The following EFHC1 variants were observed in gnomAD, a reference collection of about 807,000 sequenced individuals.
The protein encoded by EFHC1 is EF-hand domain-containing protein 1.
In EFHC1, 53 loss-of-function variants were observed where a neutral mutation model predicts 69.9. The ratio of observed to expected loss-of-function variants is 0.76; its 90% CI spans 0.61 to 0.95. The LOEUF (loss-of-function observed/expected upper bound fraction) is 0.95, where lower values mean the gene tolerates loss of function less well. Ranked by LOEUF, EFHC1 falls within the 40% of genes least tolerant of loss-of-function variation. The pLI, the probability that EFHC1 is intolerant of heterozygous loss-of-function variation, is 0.00. For missense variants in EFHC1, 739 were observed against 798.7 expected (o/e 0.93, Z 0.90); for synonymous variants, 256 against 278.4 (o/e 0.92, Z 0.80).
At chr6:52,427,596 G>A (rs1764329667) in intron 2 of EFHC1, among the ~76,000 whole-genome samples, 1 of 148,440 alleles carries the variant, frequency 6.7e-6, no homozygotes, top group Non-Finnish European at 1.5e-5. Context: ...TATAATTTGT[G>A]TTGCTGATTT....
At chr6:52,453,664 A>G (rs1043816895) in intron 4 of EFHC1, 6 of 1,257,972 alleles carry the variant, frequency 4.8e-6, no homozygotes, top group Non-Finnish European at 6.1e-6. Flanking sequence ...TATTGCTAGA[A>G]GATATGTGTT....
chr6:52,428,726 G>C (rs569989407), intron 2 of EFHC1, among the ~76,000 whole-genome samples: 1 of 152,248 alleles, frequency 6.6e-6, no homozygotes, highest in South Asian at 2.1e-4. Flanking sequence ...TGGATCAAAT[G>C]GTGGTTCTAC....
At chr6:52,442,638 T>C (rs558767447) in intron 3 of EFHC1, among the ~76,000 whole-genome samples, 1 of 152,370 alleles carries the variant, frequency 6.6e-6, no homozygotes, top group Non-Finnish European at 1.5e-5. Context: ...TCATTTTTTA[T>C]GGCTGCATAG....
rs941669687 is a variant in EFHC1, at chr6:52,495,576, CTGTTT to C, written c.*3247_*3251del. 2.9e-5 allele frequency: 13 copies of C among 454,012 alleles called. No individual in the cohort carries two copies. Among genetic ancestry groups the C allele is most frequent in the East Asian group, 7.0e-5 (1 of 14,388 alleles). 28.1% of individuals were successfully genotyped at this position (454,012 alleles called of 1,614,324 possible). A position where few individuals can be genotyped will look rare whatever the true frequency, so the allele number is the denominator to read the frequency against. ...TTAGCATCCTCTAGCCTGCTTTTGGCTGTTTTGTTTTGTTTTTGTGTTTGTTTTTT... is the reference window on the plus strand; with the variant it reads ...TTAGCATCCTCTAGCCTGCTTTTGGCTGTTTTGTTTTTGTGTTTGTTTTTT... On this transcript the variant is annotated 3_prime_UTR_variant, in exon 11 of 11. Transcript: ENST00000371068.
Position 52,495,916 on chromosome 6 carries a change from TG to T in EFHC1, c.*3577del. The T allele has an allele frequency of 3.4e-6, 1 of 292,356 alleles. No individual in the cohort carries two copies. The highest frequency in any genetic ancestry group is 6.7e-6 in the Non-Finnish European group (1 of 150,196). 18.1% of individuals were successfully genotyped at this position (292,356 alleles called of 1,614,324 possible). A position where few individuals can be genotyped will look rare whatever the true frequency, so the allele number is the denominator to read the frequency against. ...GACCAAAGCCAGCAGGCCATTTCTG[TG>T]GTGTCCAAACACTCGCTGCTCACCT... On this transcript the variant is annotated 3_prime_UTR_variant, in exon 11 of 11. Transcript: ENST00000371068.
intron 2 of EFHC1, 143 bp from the exon 3 acceptor site, chr6:52,438,161 T>G (rs2113979039): frequency 1.2e-6 from 1 of 833,228 alleles, no homozygotes. Context: ...TCTGTAGTTT[T>G]AGAGTATCAA....
intron 1 of EFHC1, chr6:52,420,857 C>T (rs1764174791): frequency 7.6e-6 from 3 of 397,282 alleles, no homozygotes; most frequent in Non-Finnish European, 1.3e-5. Flanking sequence ...GGGCCCTCTC[C>T]CTAGCTCGTT....
intron 4 of EFHC1, chr6:52,453,724 A>G (rs1379849411): frequency 8.0e-7 from 1 of 1,245,180 alleles, no homozygotes; most frequent in Non-Finnish European, 1.0e-6. Context: ...TTTCTACACT[A>G]ATTATATATA....
chr6:52,456,795 G>A (rs898046462), intron 5 of EFHC1, among the ~76,000 whole-genome samples: 1 of 152,084 alleles, frequency 6.6e-6, no homozygotes, highest in Non-Finnish European at 1.5e-5. Context: ...GGTGCCTGTA[G>A]TCCCAGCTAC....
intron 10 of EFHC1, among the ~76,000 whole-genome samples, chr6:52,491,701 A>G (rs1469906119): frequency 6.6e-6 from 1 of 152,212 alleles, no homozygotes; most frequent in Admixed American, 6.5e-5. Flanking sequence ...ACTTAAAACA[A>G]AAGTAACTAT....
At chr6:52,489,456 A>G (rs1765851256) in intron 9 of EFHC1, 1 of 152,230 alleles carries the variant, frequency 6.6e-6, no homozygotes, top group Admixed American at 6.5e-5. Context: ...TAAAATTTTT[A>G]ATTTTATAAC....
chr6:52,423,818 A>G (rs1581809327), intron 1 of EFHC1, 128 bp from the exon 2 acceptor site: 2 of 1,537,126 alleles, frequency 1.3e-6, no homozygotes, highest in African/African-American at 2.7e-5. Flanking sequence ...AATGTTGGTA[A>G]GCTTCTTGAT....
In EFHC1 at chr6:52,438,512, G is replaced by T. The variant is rs755368747; in HGVS notation, c.494G>T (p.Trp165Leu). 3.7e-6 allele frequency: 6 copies of T among 1,614,042 alleles called. No homozygotes were observed. Among genetic ancestry groups the T allele is most frequent in the Non-Finnish European group, 5.1e-6 (6 of 1,179,966 alleles). The change falls in exon 3 of 11, where the codon TGG (tryptophan) becomes TTG (leucine). Residue 165 changes from tryptophan to leucine, a missense_variant. Transcript: ENST00000371068. The part of the protein sequence containing the change: ...AKNDRGDHYH[W>L]KDLNRGINIT... ...AATGACCGGGGTGACCATTACCATTGGAAAGACCTAAATCGAGGAATAAAC... is the reference window on the plus strand; with the variant it reads ...AATGACCGGGGTGACCATTACCATTTGAAAGACCTAAATCGAGGAATAAAC...
intron 1 of EFHC1, chr6:52,420,934 A>G: frequency 1.1e-6 from 1 of 924,914 alleles, no homozygotes; most frequent in Non-Finnish European, 1.3e-6. Context: ...TGCACCTTCA[A>G]CCTCATTCCC....
chr6:52,469,300 C>T, intron 6 of EFHC1, 33 bp from the exon 7 acceptor site: 1 of 1,613,172 alleles, frequency 6.2e-7, no homozygotes, highest in Non-Finnish European at 8.5e-7. Flanking sequence ...CAAGTAGTAT[C>T]TGCCTTACTT....
At chr6:52,443,262 A>G (rs985673862) in intron 3 of EFHC1, among the ~76,000 whole-genome samples, 2 of 152,032 alleles carry the variant, frequency 1.3e-5, no homozygotes, top group African/African-American at 4.8e-5. Context: ...ATGGTAGTTT[A>G]TTTTGCTGTG....
At position 52,454,267 on chromosome 6, in the gene EFHC1, A is replaced by G. The variant is rs138973203; in HGVS notation, c.896A>G (p.Lys299Arg). 4.0e-5 allele frequency: 64 copies of G among 1,614,024 alleles called. No homozygotes were observed. Among genetic ancestry groups the G allele is most frequent in the Admixed American group, 5.0e-5 (3 of 60,006 alleles). The part of the protein sequence containing the change: ...PLLMNRQRVP[K>R]VLVENAKNFP... ...CTAATGAACCGCCAGCGTGTGCCCA[A>G]AGTTTTGGTGGAAAATGCAAGTATG... is the stretch of plus-strand genomic sequence containing the variant. Residue 299 changes from lysine to arginine, a missense_variant, in exon 5 of 11, where the codon AAA becomes AGA. Lys to Arg is a conservative substitution (Grantham distance 26). Coordinates refer to ENST00000371068, the MANE Select transcript of EFHC1 (RefSeq NM_018100.4).
intron 3 of EFHC1, among the ~76,000 whole-genome samples, chr6:52,450,499 CATA>C (rs1764891373): frequency 6.6e-6 from 1 of 152,128 alleles, no homozygotes. Flanking sequence ...GTATTGGGTG[CATA>C]TGTATTTAGC....
chr6:52,424,191 C>A (rs1562442316), intron 2 of EFHC1, 24 bp downstream of exon 2: 1 of 1,606,322 alleles, frequency 6.2e-7, no homozygotes, highest in Admixed American at 1.7e-5. Context: ...TTTTAGGGTA[C>A]CCCTTGAATT....
Sources: gnomAD v4.1 joint callset for allele counts (sites outside exome capture counted in the v4.1 genomes callset) on GRCh38, gnomAD v4.1.1 for gene constraint, MANE v1.5 for transcripts, NCBI Gene and HGNC (gene_info 2026-07-23, HGNC 2026-07-21) for gene names.